Variants in PCDHA9 observed in about 807,000 individuals in gnomAD.
PCDHA9 encodes the protein protocadherin alpha 9.
Under a neutral mutation model 62.0 loss-of-function variants are expected in PCDHA9, and 62 were observed. The observed-to-expected ratio is 1.00, with a 90% CI of 0.81 to 1.23. The LOEUF (loss-of-function observed/expected upper bound fraction) is 1.23, where lower values mean the gene tolerates loss of function less well. Among genes scored for constraint, PCDHA9 ranks in the 50% most tolerant of loss-of-function variants. The pLI is 0.00. For missense variants in PCDHA9, 1,205 were observed against 1,249.8 expected (o/e 0.96, Z 0.54); for synonymous variants, 557 against 567.6 (o/e 0.98, Z 0.27).
At chr5:140,887,192 G>A (rs2061344460) in intron 1 of PCDHA9, among the ~76,000 whole-genome samples, 1 of 151,802 alleles carries the variant, frequency 6.6e-6, no homozygotes, top group African/African-American at 2.4e-5. Flanking sequence ...CACCTCCCGG[G>A]TTCACGCCAT....
At chr5:140,951,431 G>A (rs1003684083) in intron 1 of PCDHA9, among the ~76,000 whole-genome samples, 1 of 152,044 alleles carries the variant, frequency 6.6e-6, no homozygotes, top group Non-Finnish European at 1.5e-5. Context: ...TCCACAGGCT[G>A]TAGGAAGCAT....
At chr5:140,858,321 C>A in intron 1 of PCDHA9, 1 of 1,596,814 alleles carries the variant, frequency 6.3e-7, no homozygotes, top group Non-Finnish European at 8.6e-7. Flanking sequence ...AGGGTGTGTT[C>A]TGGGGAGGGC....
At chr5:140,854,785 T>G (rs998570267) in intron 1 of PCDHA9, 1 of 149,740 alleles carries the variant, frequency 6.7e-6, no homozygotes, top group South Asian at 2.1e-4. Flanking sequence ...TTTCAAGAAC[T>G]TTGAGAGAGA....
In PCDHA9 at chr5:140,857,261, T is replaced by C. The variant is rs145652579; in HGVS notation, c.2394+6372T>C. The C allele has an allele frequency of 4.9e-5, 79 of 1,598,562 alleles. 6 individuals carry two copies. The African/African-American group carries it at 9.1e-4, about 18-fold the overall frequency. On this transcript the variant is annotated intron_variant, in intron 1 of 3. Coordinates refer to ENST00000532602, the MANE Select transcript of PCDHA9 (RefSeq NM_031857.2). ...GGTGTCCACCTACAAGAATTACTACTCATTGGTGCTGGACAGCGCTCTGGA... is the reference window on the plus strand; with the variant it reads ...GGTGTCCACCTACAAGAATTACTACCCATTGGTGCTGGACAGCGCTCTGGA...
intron 1 of PCDHA9, among the ~76,000 whole-genome samples, chr5:140,970,348 T>A (rs2096398928): frequency 6.6e-6 from 1 of 152,186 alleles, no homozygotes; most frequent in Admixed American, 6.5e-5. Context: ...ATTTTCTGGA[T>A]CTAAAATTTG....
intron 1 of PCDHA9, among the ~76,000 whole-genome samples, chr5:140,974,521 G>GT (rs1223492348): frequency 3.0e-4 from 45 of 152,208 alleles, no homozygotes; most frequent in African/African-American, 1.0e-3. Flanking sequence ...TTTTATTTTA[G>GT]TTTTTTTGAG....
chr5:140,948,426 G>A (rs1301925814), intron 1 of PCDHA9, among the ~76,000 whole-genome samples: 1 of 151,446 alleles, frequency 6.6e-6, no homozygotes, highest in African/African-American at 2.4e-5. Flanking sequence ...TCTTCCTTCA[G>A]TGAAACATTC....
chr5:140,882,438 C>T (rs782795158), intron 1 of PCDHA9: 5 of 1,614,020 alleles, frequency 3.1e-6, no homozygotes, highest in Non-Finnish European at 4.2e-6. Context: ...CTGGAGCTGG[C>T]GGAGCTGGTG....
rs2150444436 is a variant in PCDHA9, at chr5:140,849,672, G to C, written c.1177G>C (p.Val393Leu). The change falls in exon 1 of 4, where the codon GTC becomes CTC. Residue 393 changes from valine (V) to leucine (L), a missense_variant. By Grantham distance (32) the Val-to-Leu change is conservative (BLOSUM62 1). Around this residue, in one of 3 missense-constraint regions of PCDHA9, gnomAD observed 887 missense variants for 809.5 expected, o/e 1.10. Transcript: ENST00000532602. ...GGTTACCTGCTCCCTGACGCCCCAC[G>C]TCCCCTTCAAGCTGGTGTCCACCTA... ...GQVTCSLTPH[V>L]PFKLVSTYKN... 1.9e-6 allele frequency: 3 copies of C among 1,598,534 alleles called. No individual in the cohort carries two copies. Among genetic ancestry groups the C allele is most frequent in the Middle Eastern group, 1.7e-4 (1 of 5,946 alleles).
intron 1 of PCDHA9, chr5:140,859,028 T>C (rs1281709317): frequency 6.6e-6 from 1 of 150,998 alleles, no homozygotes; most frequent in Non-Finnish European, 1.5e-5. Flanking sequence ...AGTTAAATGC[T>C]TTGAACTTTA....
intron 1 of PCDHA9, chr5:140,871,318 G>A (rs546803828): frequency 9.9e-6 from 16 of 1,614,072 alleles, no homozygotes; most frequent in Middle Eastern, 1.7e-4. Context: ...GCCCACGCTG[G>A]TGTGCTCCCG....
At chr5:140,877,627 A>G (rs782765998) in intron 1 of PCDHA9, 3 of 1,613,732 alleles carry the variant, frequency 1.9e-6, no homozygotes, top group Admixed American at 3.3e-5. Context: ...GCTGCTGTAC[A>G]CTGCGCTGCG....
chr5:140,991,019 T>G (rs1333119856), intron 3 of PCDHA9, among the ~76,000 whole-genome samples: 1 of 152,178 alleles, frequency 6.6e-6, no homozygotes, highest in Non-Finnish European at 1.5e-5. Flanking sequence ...GATAAGCACT[T>G]TACATATGTT....
rs797023184 is a variant in PCDHA9 at position 140,941,202 on chromosome 5, CCTTT to C, written c.2395-37739_2395-37736del. The stretch of plus-strand genomic sequence containing the variant: ...TCCTGCTTCTTTTTTTTTCTTTCTT[CCTTT>C]CTTTCTTCCTTTCTTTCTTTCTTTC... On this transcript the variant is annotated intron_variant, in intron 1 of 3. Transcript: ENST00000532602. Among the ~76,000 whole-genome samples, 914 of 122,710 alleles carry C rather than the reference CCTTT, an allele frequency of 7.4e-3. 14 individuals are homozygous for C. The highest frequency in any genetic ancestry group is 0.013 in the African/African-American group (444 of 33,832). The allele number at this position is 122,710 out of a possible 152,430, so 80.5% of individuals were successfully genotyped here. A position where few individuals can be genotyped will look rare whatever the true frequency, so the allele number is the denominator to read the frequency against.
chr5:140,956,852 G>A (rs931766503), intron 1 of PCDHA9, among the ~76,000 whole-genome samples: 1 of 152,062 alleles, frequency 6.6e-6, no homozygotes. Flanking sequence ...TGGGTTAAAT[G>A]GTTGAATGAA....
At chr5:140,884,317 G>C (rs1401667312) in intron 1 of PCDHA9, 15 of 1,613,780 alleles carry the variant, frequency 9.3e-6, no homozygotes, top group Non-Finnish European at 1.3e-5. Context: ...CGAGGGCGTC[G>C]GCAGGCGCTG....
rs782045843 is a variant in PCDHA9 at position 140,884,051 on chromosome 5, C to A, written c.2394+33162C>A. Reference sequence around the variant, plus strand: ...TGCAGGCCACGTGGTGGCGAAGGTGCGCGCGGTGGACGCCGATTCGGGCTA... The same window carrying A: ...TGCAGGCCACGTGGTGGCGAAGGTGAGCGCGGTGGACGCCGATTCGGGCTA... On this transcript the variant is annotated intron_variant, in intron 1 of 3. Coordinates refer to ENST00000532602, the MANE Select transcript of PCDHA9 (RefSeq NM_031857.2). The A allele has an allele frequency of 9.3e-6, 15 of 1,613,426 alleles. No homozygotes were observed. In the South Asian group the frequency reaches 1.6e-4, roughly 18 times the overall value.
chr5:140,933,494 T>C (rs901456699), intron 1 of PCDHA9, among the ~76,000 whole-genome samples: 3 of 152,110 alleles, frequency 2.0e-5, no homozygotes, highest in Non-Finnish European at 4.4e-5. Context: ...TTCTTTAGAA[T>C]TGTTAAGCAA....
rs373922357 is a variant in PCDHA9, at chr5:140,927,079, G to C, written c.2395-51870G>C. On this transcript the variant is annotated intron_variant, in intron 1 of 3. Coordinates refer to ENST00000532602, the MANE Select transcript of PCDHA9 (RefSeq NM_031857.2). ...CTTTCGCTTCCTTTCCAGCCACCGC[G>C]AGCTCTACTTCGGGGTGGATCTACC... The C allele has an allele frequency of 2.5e-6, 4 of 1,610,870 alleles. No individual in the cohort carries two copies. In the African/African-American group the frequency reaches 5.3e-5, roughly 22 times the overall value.
Sources: gnomAD v4.1 joint callset for allele counts (sites outside exome capture counted in the v4.1 genomes callset) on GRCh38, gnomAD v4.1.1 for gene constraint, gnomAD v4.1.1 regional missense constraint, MANE v1.5 for transcripts, NCBI Gene and HGNC (gene_info 2026-07-23, HGNC 2026-07-21) for gene names.